FNDC3B: variants seen among roughly 807,000 people sequenced by gnomAD.
FNDC3B encodes fibronectin type III domain containing 3B, also known as fibronectin type III domain-containing protein 3B.
In FNDC3B, 12 loss-of-function variants were observed where a neutral mutation model predicts 151.5. That is an observed-to-expected ratio of 0.08 (90% CI 0.05 to 0.13). FNDC3B has a LOEUF of 0.13. Ranked by LOEUF, FNDC3B falls within the 10% of genes least tolerant of loss-of-function variation. The pLI, the probability that FNDC3B is intolerant of heterozygous loss-of-function variation, is 1.00. For synonymous variants in FNDC3B, 528 were observed against 549.0 expected (o/e 0.96, Z 0.54); for missense variants, 1,214 against 1,505.3 (o/e 0.81, Z 3.20).
At chr3:172,387,284 G>T (rs1404558328) in intron 25 of FNDC3B, among the ~76,000 whole-genome samples, 1 of 152,114 alleles carries the variant, frequency 6.6e-6, no homozygotes, top group Non-Finnish European at 1.5e-5. Flanking sequence ...TTTTAGTGGA[G>T]ATAGGTTTTC....
intron 6 of FNDC3B, among the ~76,000 whole-genome samples, chr3:172,284,120 C>T (rs111799276): frequency 7.9e-5 from 12 of 152,196 alleles, no homozygotes; most frequent in African/African-American, 2.7e-4. Context: ...AGTCAAGAAG[C>T]GTCTGTTGAG....
intron 6 of FNDC3B, among the ~76,000 whole-genome samples, chr3:172,263,047 T>A (rs145864043): frequency 1.3e-5 from 2 of 150,454 alleles, no homozygotes; most frequent in Non-Finnish European, 3.0e-5. Context: ...AAAACCAAAT[T>A]CACTCTCATA....
intron 6 of FNDC3B, among the ~76,000 whole-genome samples, chr3:172,273,393 T>C (rs981436009): frequency 7.2e-5 from 11 of 152,222 alleles, no homozygotes; most frequent in Non-Finnish European, 4.4e-5. Flanking sequence ...AGCCACCTTC[T>C]TCATTGGCTC....
intron 2 of FNDC3B, among the ~76,000 whole-genome samples, chr3:172,113,354 A>G (rs182830257): frequency 6.6e-6 from 1 of 152,314 alleles, no homozygotes; most frequent in Admixed American, 6.5e-5. Flanking sequence ...AAATATACTA[A>G]TAATTCAAAT....
chr3:172,171,435 T>G (rs938861009), intron 3 of FNDC3B, among the ~76,000 whole-genome samples: 2 of 152,114 alleles, frequency 1.3e-5, no homozygotes. Context: ...TGCCCAGTAT[T>G]TTTTTCTCTA....
chr3:172,044,009 T>A (rs1716232879), intron 1 of FNDC3B, among the ~76,000 whole-genome samples: 1 of 152,230 alleles, frequency 6.6e-6, no homozygotes, highest in East Asian at 1.9e-4. Context: ...TACTCACTTT[T>A]CCTTATGTAG....
chr3:172,263,586 GTT>G (rs35762662), intron 6 of FNDC3B, among the ~76,000 whole-genome samples: 16,517 of 99,952 alleles, frequency 0.17, 453 homozygotes, highest in African/African-American at 0.2. Context: ...GCTATCAAGT[GTT>G]TTTTTTTTTT....
At chr3:172,382,264 T>C (rs1367728462) in intron 25 of FNDC3B, among the ~76,000 whole-genome samples, 2 of 152,240 alleles carry the variant, frequency 1.3e-5, no homozygotes, top group Non-Finnish European at 2.9e-5. Context: ...GCCACATAAA[T>C]ATCTTCTTTT....
At chr3:172,248,707 ATAAT>A (rs199940386) in intron 5 of FNDC3B, among the ~76,000 whole-genome samples, 4,729 of 147,950 alleles carry the variant, frequency 0.032, 246 homozygotes, top group African/African-American at 0.1. Flanking sequence ...TAATTTCTAT[ATAAT>A]TAATTATTTA....
intron 1 of FNDC3B, among the ~76,000 whole-genome samples, chr3:172,052,212 C>T (rs1469019523): frequency 6.7e-6 from 1 of 149,658 alleles, no homozygotes; most frequent in African/African-American, 2.5e-5. Flanking sequence ...CAGCCTCCCA[C>T]GTGAATGCCA....
At chr3:172,204,607 G>T (rs141819868) in intron 3 of FNDC3B, among the ~76,000 whole-genome samples, 79 of 152,232 alleles carry the variant, frequency 5.2e-4, no homozygotes, top group African/African-American at 1.8e-3. Context: ...AAGGAGTTTT[G>T]ATTACTTTAT....
intron 11 of FNDC3B, among the ~76,000 whole-genome samples, chr3:172,315,922 G>C (rs1731758567): frequency 6.6e-6 from 1 of 151,152 alleles, no homozygotes; most frequent in African/African-American, 2.4e-5. Context: ...TAATCCCTTT[G>C]ACTGCCCATC....
intron 22 of FNDC3B, among the ~76,000 whole-genome samples, chr3:172,358,579 T>TGTAAAGTGTTGTAAAGTAA (rs1734208339): frequency 6.6e-6 from 1 of 152,224 alleles, no homozygotes; most frequent in South Asian, 2.1e-4. Context: ...GGTGGTGTAA[T>TGTAAAGTGTTGTAAAGTAA]AGTGCAGCCG....
At chr3:172,166,392 G>T (rs557733557) in intron 3 of FNDC3B, among the ~76,000 whole-genome samples, 2 of 152,278 alleles carry the variant, frequency 1.3e-5, no homozygotes, top group Admixed American at 1.3e-4. Flanking sequence ...ACCATATAAG[G>T]TGTGTAGAGC....
At chr3:172,277,532 G>T (rs967577461) in intron 6 of FNDC3B, among the ~76,000 whole-genome samples, 1 of 152,146 alleles carries the variant, frequency 6.6e-6, no homozygotes, top group African/African-American at 2.4e-5. Flanking sequence ...CATCACTTTA[G>T]CGCGTAGGGT....
intron 4 of FNDC3B, among the ~76,000 whole-genome samples, chr3:172,239,792 A>C: frequency 6.8e-6 from 1 of 147,834 alleles, no homozygotes; most frequent in African/African-American, 2.5e-5. Flanking sequence ...AAAAAAAAAG[A>C]AAAAAAGCAA....
intron 2 of FNDC3B, among the ~76,000 whole-genome samples, chr3:172,126,624 T>C (rs1000821656): frequency 1.3e-5 from 2 of 152,232 alleles, no homozygotes; most frequent in Non-Finnish European, 2.9e-5. Flanking sequence ...TGTAAAATTC[T>C]GTTTTCCTGG....
chr3:172,254,996 C>A (rs1359776810), intron 6 of FNDC3B, among the ~76,000 whole-genome samples: 1 of 152,070 alleles, frequency 6.6e-6, no homozygotes, highest in Non-Finnish European at 1.5e-5. Flanking sequence ...ATAATGGTAA[C>A]CCTTATGACT....
intron 2 of FNDC3B, among the ~76,000 whole-genome samples, chr3:172,132,971 T>C (rs888019993): frequency 6.6e-6 from 1 of 152,210 alleles, no homozygotes; most frequent in Non-Finnish European, 1.5e-5. Flanking sequence ...CATTATTGTC[T>C]TAAGATCCTG....
Sources: allele counts gnomAD v4.1 joint callset (sites outside exome capture counted in the v4.1 genomes callset), GRCh38; gene constraint gnomAD v4.1.1; transcripts MANE v1.5; gene names NCBI Gene and HGNC (gene_info 2026-07-23, HGNC 2026-07-21).